The following SEMA6D variants were observed in gnomAD, a reference collection of about 807,000 sequenced individuals.
SEMA6D encodes the protein semaphorin 6D, also known as semaphorin-6D.
Under a neutral mutation model 106.6 loss-of-function variants are expected in SEMA6D, and 35 were observed. The observed-to-expected ratio is 0.33, with a 90% confidence interval of 0.25 to 0.44. SEMA6D has a LOEUF of 0.44. Ranked by LOEUF, SEMA6D falls within the 20% of genes least tolerant of loss-of-function variation. The pLI, the probability that SEMA6D is intolerant of heterozygous loss-of-function variation, is 1.00. For missense variants in SEMA6D, 1,185 were observed against 1,345.9 expected (o/e 0.88, Z 1.87); for synonymous variants, 499 against 487.7 (o/e 1.02, Z -0.31).
chr15:47,737,620 A>G (rs984320530), intron 1 of SEMA6D, among the ~76,000 whole-genome samples: 2 of 152,024 alleles, frequency 1.3e-5, no homozygotes, highest in Admixed American at 1.3e-4. Flanking sequence ...CATTATTATT[A>G]TCTGAATGAT....
chr15:47,706,144 T>C (rs2078908540), intron 4 of SEMA6D, among the ~76,000 whole-genome samples: 2 of 152,246 alleles, frequency 1.3e-5, no homozygotes, highest in Non-Finnish European at 2.9e-5. Flanking sequence ...AAGTGGGATC[T>C]TGAGAGCTCT....
chr15:47,261,664 A>G (rs180764908), intron 1 of SEMA6D, among the ~76,000 whole-genome samples: 31 of 152,198 alleles, frequency 2.0e-4, no homozygotes, highest in African/African-American at 7.5e-4. Flanking sequence ...GCTATCACCT[A>G]TTGACCTCCT....
intron 1 of SEMA6D, among the ~76,000 whole-genome samples, chr15:47,257,564 G>A (rs1447233726): frequency 1.3e-5 from 2 of 152,112 alleles, no homozygotes; most frequent in African/African-American, 2.4e-5. Context: ...ATTTAGAAGT[G>A]TGTTGTTTAG....
chr15:47,584,626 TG>T (rs1389832149), intron 3 of SEMA6D, among the ~76,000 whole-genome samples: 1 of 152,168 alleles, frequency 6.6e-6, no homozygotes, highest in African/African-American at 2.4e-5. Flanking sequence ...TCTTTATTTT[TG>T]GTATCTTTTG....
chr15:47,728,782 T>A (rs1039925540), intron 1 of SEMA6D, among the ~76,000 whole-genome samples: 4 of 152,194 alleles, frequency 2.6e-5, no homozygotes, highest in Non-Finnish European at 5.9e-5. Context: ...ACCCTTTTCC[T>A]CCATCTTCAA....
intron 3 of SEMA6D, among the ~76,000 whole-genome samples, chr15:47,557,344 C>T (rs970589440): frequency 5.3e-5 from 8 of 152,278 alleles, no homozygotes; most frequent in Admixed American, 1.3e-4. Flanking sequence ...GGAGAACCTA[C>T]GGTTGTGATT....
At chr15:47,552,039 C>CAAAAAAAAAAAAAAAA (rs148219211) in intron 3 of SEMA6D, among the ~76,000 whole-genome samples, 6 of 149,738 alleles carry the variant, frequency 4.0e-5, no homozygotes, top group Non-Finnish European at 8.9e-5. Context: ...AGGAAACAGA[C>CAAAAAAAAAAAAAAAA]AAAAAAAAAG....
At chr15:47,270,555 A>C (rs2034512223) in intron 1 of SEMA6D, among the ~76,000 whole-genome samples, 1 of 152,138 alleles carries the variant, frequency 6.6e-6, no homozygotes, top group Admixed American at 6.6e-5. Context: ...TTAGCGGAAA[A>C]AAATTTAATA....
At chr15:47,712,978 C>A (rs772909886), upstream of SEMA6D, among the ~76,000 whole-genome samples, 9 of 152,112 alleles carry the variant, frequency 5.9e-5, no homozygotes, top group Non-Finnish European at 1.2e-4. Flanking sequence ...GTTCAAATAT[C>A]TTTGATAAAA....
At chr15:47,260,864 A>G (rs1419668401) in intron 1 of SEMA6D, among the ~76,000 whole-genome samples, 1 of 152,148 alleles carries the variant, frequency 6.6e-6, no homozygotes, top group African/African-American at 2.4e-5. Context: ...TGGTGTTATC[A>G]GAGGGACAGT....
chr15:47,738,692 G>A (rs1464283698), intron 1 of SEMA6D, among the ~76,000 whole-genome samples: 1 of 152,266 alleles, frequency 6.6e-6, no homozygotes, highest in Non-Finnish European at 1.5e-5. Flanking sequence ...AGTGCTGAGG[G>A]GATCCAGGGA....
rs539295746 is a variant in SEMA6D at position 47,673,317 on chromosome 15, C to T, written c.-55+72421C>T. ...ATATAATTATACAGGAACCACCAGG[C>T]TGTGAAGGATGAGAAAATATAACAC... is the stretch of plus-strand genomic sequence containing the variant. On this transcript the variant is annotated intron_variant, in intron 4 of 19. Transcript: ENST00000558014. 3.9e-5 allele frequency among the ~76,000 whole-genome samples: 6 copies of T among 152,344 alleles called. No homozygotes were observed. In the South Asian group the frequency reaches 1.0e-3, roughly 26 times the overall value.
At chr15:47,422,151 A>C (rs943119045) in intron 2 of SEMA6D, among the ~76,000 whole-genome samples, 1 of 119,376 alleles carries the variant, frequency 8.4e-6, no homozygotes, top group Non-Finnish European at 1.8e-5. Context: ...TAAAATTAAC[A>C]CTCTTATTTT....
At chr15:47,553,280 A>C (rs184903713) in intron 3 of SEMA6D, among the ~76,000 whole-genome samples, 4 of 152,194 alleles carry the variant, frequency 2.6e-5, no homozygotes, top group Admixed American at 2.6e-4. Context: ...AAATTGTCAC[A>C]CTTTAAATGA....
chr15:47,743,498 G>T (rs1219703362), intron 1 of SEMA6D, among the ~76,000 whole-genome samples: 4 of 152,134 alleles, frequency 2.6e-5, no homozygotes, highest in Non-Finnish European at 5.9e-5. Context: ...GTAAAAGGCA[G>T]TTCCTGAACT....
intron 3 of SEMA6D, among the ~76,000 whole-genome samples, chr15:47,545,677 C>T (rs530542676): frequency 1.3e-3 from 204 of 152,148 alleles, no homozygotes; most frequent in African/African-American, 4.7e-3. Flanking sequence ...TCAAATTAAA[C>T]TCAAATATAT....
chr15:47,525,971 C>A (rs1051871847), intron 3 of SEMA6D, among the ~76,000 whole-genome samples: 6 of 152,208 alleles, frequency 3.9e-5, no homozygotes, highest in Admixed American at 3.9e-4. Flanking sequence ...ACTATAGAAG[C>A]TCTCAGCACC....
intron 1 of SEMA6D, among the ~76,000 whole-genome samples, chr15:47,381,790 A>T (rs1383591523): frequency 5.9e-5 from 9 of 152,202 alleles, no homozygotes; most frequent in African/African-American, 2.2e-4. Flanking sequence ...TTTTATATTG[A>T]ACTTGTAGCC....
At chr15:47,329,852 G>C (rs1446444423) in intron 1 of SEMA6D, among the ~76,000 whole-genome samples, 1 of 152,132 alleles carries the variant, frequency 6.6e-6, no homozygotes, top group East Asian at 1.9e-4. Flanking sequence ...TCTTTCTACT[G>C]TTGCCTCATT....
Sources: allele counts gnomAD v4.1 joint callset (sites outside exome capture counted in the v4.1 genomes callset), GRCh38; gene constraint gnomAD v4.1.1; transcripts MANE v1.5; gene names NCBI Gene and HGNC (gene_info 2026-07-23, HGNC 2026-07-21).